Variants in ITGAE observed in about 807,000 individuals in gnomAD.
ITGAE encodes the protein integrin subunit alpha E.
Under a neutral mutation model 136.5 loss-of-function variants are expected in ITGAE, and 99 were observed. The observed-to-expected ratio is 0.73, with a 90% CI of 0.62 to 0.86. The LOEUF is 0.86. Ranked by LOEUF, ITGAE falls within the 40% of genes least tolerant of loss-of-function variation. The pLI is 0.00. For missense variants in ITGAE, 1,447 were observed against 1,515.3 expected (o/e 0.95, Z 0.75); for synonymous variants, 613 against 591.8 (o/e 1.04, Z -0.52).
Position 3,753,289 on chromosome 17 carries a change from C to T in ITGAE, c.1668+1G>A, listed in dbSNP as rs773008292. The T allele has an allele frequency of 6.2e-7, 1 of 1,613,518 alleles. No individual in the cohort carries two copies. Among genetic ancestry groups the T allele is most frequent in the Non-Finnish European group, 8.5e-7 (1 of 1,179,584 alleles). ...GCTCATGAAGATGGAGACTCTCCCA[C>T]CTGCTCGCTGAGACGGTACACGTAG... On this transcript the variant is annotated splice_donor_variant, in intron 14 of 30. Transcript: ENST00000263087. LOFTEE classifies it high-confidence loss of function.
At chr17:3,732,334 G>A in intron 22 of ITGAE, 34 bp downstream of exon 22, 1 of 1,483,064 alleles carries the variant, frequency 6.7e-7, no homozygotes, top group Non-Finnish European at 9.4e-7. Flanking sequence ...ACTGCAGGGT[G>A]GTGAGAAGAG....
intron 30 of ITGAE, 87 bp from the exon 31 acceptor site, chr17:3,715,029 G>T: frequency 1.4e-6 from 1 of 730,232 alleles, no homozygotes; most frequent in Non-Finnish European, 2.4e-6. Flanking sequence ...TGCCTAAATA[G>T]CCCCTATATT....
At chr17:3,795,295 A>G (rs1006960864) in intron 1 of ITGAE, among the ~76,000 whole-genome samples, 2 of 152,204 alleles carry the variant, frequency 1.3e-5, no homozygotes, top group African/African-American at 4.8e-5. Flanking sequence ...CCAGCCACAG[A>G]GCCCAGCTCA....
Position 3,761,114 on chromosome 17 carries a change from C to T in ITGAE, c.497G>A (p.Gly166Asp). 1 of 1,613,238 alleles carries T rather than the reference C, an allele frequency of 6.2e-7. No individual in the cohort carries two copies. The highest frequency in any genetic ancestry group is 8.5e-7 in the Non-Finnish European group (1 of 1,180,028). ...TGDCYSNKEG[G>D]GEDDVNTARQ... ...GGCTGTGTTCACATCGTCTTCTCCA[C>T]CGCCTTCTTTGTTGCTGTAGCAGTC... Residue 166 changes from glycine (G) to aspartate (D), a missense_variant, in exon 6 of 31, where the codon GGT (glycine) becomes GAT (aspartate). Gly to Asp is a moderately conservative substitution (Grantham distance 94). Around this residue, in one of 3 missense-constraint regions of ITGAE, gnomAD observed 310 missense variants for 416.1 expected, o/e 0.74. Transcript: ENST00000263087.
At chr17:3,739,421 G>A (rs935503536) in intron 20 of ITGAE, among the ~76,000 whole-genome samples, 1 of 152,220 alleles carries the variant, frequency 6.6e-6, no homozygotes, top group South Asian at 2.1e-4. Flanking sequence ...ATATTTGATT[G>A]ATTAGTTAAT....
rs220463 is a variant in ITGAE at position 3,723,181 on chromosome 17, T to C, written c.3237+107A>G. On this transcript the variant is annotated intron_variant, in intron 28 of 30. Coordinates refer to ENST00000263087, the MANE Select transcript of ITGAE (RefSeq NM_002208.5). The stretch of plus-strand genomic sequence containing the variant: ...AGGGTTGGTTTTTTGCACCAAAAGA[T>C]CTATTTTGGACATGGACATGTTATG... The C allele has an allele frequency of 0.042, 33,949 of 806,988 alleles. 7,709 individuals are homozygous for C. In the African/African-American group the frequency reaches 0.5, roughly 12 times the overall value. 50.0% of individuals were successfully genotyped at this position (806,988 alleles called of 1,614,324 possible).
intron 15 of ITGAE, 135 bp from the exon 16 acceptor site, chr17:3,750,617 A>C: frequency 2.9e-6 from 3 of 1,018,934 alleles, no homozygotes; most frequent in Non-Finnish European, 4.2e-6. Flanking sequence ...GAACCAGGAA[A>C]GAGGGAGCAA....
intron 1 of ITGAE, among the ~76,000 whole-genome samples, chr17:3,789,392 T>C (rs1289980266): frequency 6.6e-6 from 1 of 152,170 alleles, no homozygotes; most frequent in Non-Finnish European, 1.5e-5. Flanking sequence ...CATCAAATCA[T>C]CCTGGTTAAT....
At chr17:3,750,930 G>A (rs1420041940) in intron 15 of ITGAE, among the ~76,000 whole-genome samples, 1 of 150,336 alleles carries the variant, frequency 6.7e-6, no homozygotes, top group Non-Finnish European at 1.5e-5. Flanking sequence ...GGGTGGGCTG[G>A]GAGTGGGATG....
At chr17:3,745,640 C>A (rs915457521) in intron 18 of ITGAE, 124 bp downstream of exon 18, 4 of 976,084 alleles carry the variant, frequency 4.1e-6, no homozygotes, top group East Asian at 2.7e-5. Context: ...CCGTGCCTGG[C>A]CTGTTATGAT....
chr17:3,776,568 T>A (rs568949157), intron 2 of ITGAE, among the ~76,000 whole-genome samples: 1 of 152,290 alleles, frequency 6.6e-6, no homozygotes, highest in East Asian at 1.9e-4. Context: ...TACACGCTTG[T>A]TCCTCATAGT....
Position 3,765,501 on chromosome 17 carries a change from G to T in ITGAE, c.156-1541C>A, listed in dbSNP as rs77440203. 6.9e-3 allele frequency among the ~76,000 whole-genome samples: 1,051 copies of T among 151,972 alleles called. 3 individuals are homozygous for T. The highest frequency in any genetic ancestry group is 0.012 in the Non-Finnish European group (785 of 68,002). Reference sequence around the variant, plus strand: ...TTAATACATTATGAAATATATTCACGTATCGGCATGGCTTACAGAATAATA... The same window carrying T: ...TTAATACATTATGAAATATATTCACTTATCGGCATGGCTTACAGAATAATA... On this transcript the variant is annotated intron_variant, in intron 2 of 30. Coordinates refer to ENST00000263087, the MANE Select transcript of ITGAE (RefSeq NM_002208.5).
Position 3,753,281 on chromosome 17 carries a change from CT to C in ITGAE, c.1668+8del. 1 of 1,612,488 alleles carries C rather than the reference CT, an allele frequency of 6.2e-7. No homozygotes were observed. The highest frequency in any genetic ancestry group is 8.5e-7 in the Non-Finnish European group (1 of 1,178,946). On this transcript the variant is annotated splice_region_variant and intron_variant, in intron 14 of 30. Transcript: ENST00000263087. ...CTCAGCAAGCTCATGAAGATGGAGA[CT>C]CTCCCACCTGCTCGCTGAGACGGTA...
At chr17:3,723,166 T>C in intron 28 of ITGAE, 122 bp downstream of exon 28, 1 of 726,866 alleles carries the variant, frequency 1.4e-6, no homozygotes, top group East Asian at 2.7e-5. Flanking sequence ...AGGGTTGGTT[T>C]TTTGCACCAA....
At chr17:3,790,123 C>CAAGATTTCTAACAAG (rs2052903005) in intron 1 of ITGAE, among the ~76,000 whole-genome samples, 1 of 152,278 alleles carries the variant, frequency 6.6e-6, no homozygotes, top group South Asian at 2.1e-4. Context: ...CCCAAGACTA[C>CAAGATTTCTAACAAG]ATTTCCAACA....
intron 2 of ITGAE, among the ~76,000 whole-genome samples, chr17:3,768,650 G>A (rs368114503): frequency 1.3e-5 from 2 of 151,936 alleles, no homozygotes; most frequent in African/African-American, 2.4e-5. Flanking sequence ...CCCCAGCCTC[G>A]CCTGTCACCT....
Position 3,754,766 on chromosome 17 carries a change from G to A in ITGAE, c.1384+351C>T, listed in dbSNP as rs117869386. ...GCGCAGCCTCGGTGTCCCCATCTCG[G>A]CCCCGCCCTCGCCCAGGTGGCCTCT... On this transcript the variant is annotated intron_variant, in intron 12 of 30. Coordinates refer to ENST00000263087, the MANE Select transcript of ITGAE (RefSeq NM_002208.5). 3,028 of 336,452 alleles carry A rather than the reference G, an allele frequency of 9.0e-3. 30 individuals are homozygous for A. The highest frequency in any genetic ancestry group is 0.018 in the Middle Eastern group (20 of 1,096). The allele number at this position is 336,452 out of a possible 1,614,324, so 20.8% of individuals were successfully genotyped here. A position where few individuals can be genotyped will look rare whatever the true frequency, so the allele number is the denominator to read the frequency against.
At chr17:3,735,028 G>A (rs867399663) in intron 20 of ITGAE, 79 bp from the exon 21 acceptor site, 65 of 1,516,910 alleles carry the variant, frequency 4.3e-5, no homozygotes, top group Admixed American at 6.8e-5. Context: ...GACATTCACC[G>A]AGGCTAGAGC....
chr17:3,726,152 T>G (rs760804383), intron 26 of ITGAE: 2 of 1,614,226 alleles, frequency 1.2e-6, no homozygotes, highest in Admixed American at 3.3e-5. Context: ...ATCACCCTTA[T>G]AGTAATGTGC....
Sources: gnomAD v4.1 joint callset for allele counts (sites outside exome capture counted in the v4.1 genomes callset) on GRCh38, gnomAD v4.1.1 for gene constraint, gnomAD v4.1.1 regional missense constraint, MANE v1.5 for transcripts, NCBI Gene and HGNC (gene_info 2026-07-23, HGNC 2026-07-21) for gene names.